ZNF248: variants seen among roughly 807,000 people sequenced by gnomAD.
The protein encoded by ZNF248 is KRAB protein domain.
A neutral mutation model predicts 44.3 loss-of-function variants in ZNF248; 20 were observed. The observed-to-expected ratio is 0.45, with a 90% CI of 0.32 to 0.66. ZNF248 has a LOEUF of 0.66. Among genes scored for constraint, ZNF248 ranks in the 30% least tolerant of loss-of-function variants. The pLI is 0.04. For missense variants in ZNF248, 654 were observed against 677.0 expected (o/e 0.97, Z 0.38); for synonymous variants, 224 against 229.0 (o/e 0.98, Z 0.20).
chr10:37,851,968 C>T (rs2134791257), intron 3 of ZNF248, among the ~76,000 whole-genome samples: 1 of 152,132 alleles, frequency 6.6e-6, no homozygotes, highest in Admixed American at 6.5e-5. Context: ...ATATATCCAG[C>T]CGGGCGCGGT....
chr10:37,819,982 AT>A, intron 6 of ZNF248: 1 of 772,320 alleles, frequency 1.3e-6, no homozygotes, highest in Non-Finnish European at 2.4e-6. Flanking sequence ...GCGGTCTTGC[AT>A]GCTCTTATCT....
chr10:37,832,566 A>G lies in ZNF248; in HGVS notation c.789T>C (p.Pro263=). 1 of 1,613,828 alleles carries G rather than the reference A, an allele frequency of 6.2e-7. No individual in the cohort carries two copies. Among genetic ancestry groups the G allele is most frequent in the Non-Finnish European group, 8.5e-7 (1 of 1,179,906 alleles). The change falls in exon 6 of 6, where the codon CCT becomes CCC. Residue 263 remains proline, a synonymous_variant. Transcript: ENST00000395867. The stretch of plus-strand genomic sequence containing the variant: ...ATCCATACGGCTCCATTTCCAAATG[A>G]GGTCTTTGAGATATATTCAGCTTTA... ...ESLKLNISQR[P]HLEMEPYGCS...
chr10:37,766,601 C>T, the ZNF248 span, among the ~76,000 whole-genome samples: 1 of 152,128 alleles, frequency 6.6e-6, no homozygotes. Context: ...ACAGAAAGGA[C>T]ATCCACACCA....
chr10:37,843,238 G>A (rs1224293426), intron 3 of ZNF248, among the ~76,000 whole-genome samples: 1 of 151,996 alleles, frequency 6.6e-6, no homozygotes, highest in Non-Finnish European at 1.5e-5. Context: ...GGCCAACATG[G>A]TGAAACCCCA....
chr10:37,831,810 A>G lies in ZNF248; in HGVS notation c.1545T>C (p.Thr515=). The G allele has an allele frequency of 6.2e-7, 1 of 1,611,952 alleles. No individual in the cohort carries two copies. Among genetic ancestry groups the G allele is most frequent in the Non-Finnish European group, 8.5e-7 (1 of 1,179,022 alleles). The change falls in exon 6 of 6, where the codon ACT becomes ACC. Residue 515 remains threonine (T), a synonymous_variant. Coordinates refer to ENST00000395867, the MANE Select transcript of ZNF248 (RefSeq NM_021045.3). ...SNLIVHQRTH[T]GEKPYKCNEC... ...CATTACACTTATATGGTTTCTCCCC[A>G]GTGTGAGTTCTTTGATGTACAATGA...
Position 37,831,489 on chromosome 10 carries a change from T to C in ZNF248, c.*126A>G, listed in dbSNP as rs2055610465. 14 of 1,461,536 alleles carry C rather than the reference T, an allele frequency of 9.6e-6. No individual in the cohort carries two copies. The highest frequency in any genetic ancestry group is 2.3e-4 in the Middle Eastern group (1 of 4,280). The allele number at this position is 1,461,536 out of a possible 1,614,324, so 90.5% of individuals were successfully genotyped here. ...TCTAATGAAAAGTTTTAATTTTTCT[T>C]GAAAGCTTTTACATATTCAAACAAG... On this transcript the variant is annotated 3_prime_UTR_variant, in exon 6 of 6. Transcript: ENST00000395867.
intron 6 of ZNF248, among the ~76,000 whole-genome samples, chr10:37,793,750 C>A (rs2048827697): frequency 6.6e-6 from 1 of 152,106 alleles, no homozygotes; most frequent in Admixed American, 6.6e-5. Flanking sequence ...TTAAACTTAT[C>A]CAAATTTTAA....
chr10:37,825,593 C>A (rs563642907), downstream of ZNF248, among the ~76,000 whole-genome samples: 1 of 152,232 alleles, frequency 6.6e-6, no homozygotes. Context: ...GTGTGCACCA[C>A]CACACCCGGC....
chr10:37,808,791 A>T (rs114273905), intron 6 of ZNF248, among the ~76,000 whole-genome samples: 73 of 152,304 alleles, frequency 4.8e-4, no homozygotes, highest in African/African-American at 1.6e-3. Flanking sequence ...AGCCTAAAAA[A>T]GACTAATGTT....
Position 37,856,434 on chromosome 10 carries a change from C to A in ZNF248, c.-28+1G>T. On this transcript the variant is annotated splice_donor_variant, in intron 2 of 5. Coordinates refer to ENST00000395867, the MANE Select transcript of ZNF248 (RefSeq NM_021045.3). LOFTEE classifies it low-confidence loss of function (5UTR_SPLICE). ...TACAGGTCCACACACAAGATACTTA[C>A]GTGTCCATGTGTGGCTCCGATATAT... The A allele has an allele frequency of 6.7e-7, 1 of 1,493,878 alleles. No homozygotes were observed. Among genetic ancestry groups the A allele is most frequent in the Non-Finnish European group, 8.9e-7 (1 of 1,119,120 alleles). 92.5% of individuals were successfully genotyped at this position (1,493,878 alleles called of 1,614,324 possible). A position where few individuals can be genotyped will look rare whatever the true frequency, so the allele number is the denominator to read the frequency against.
At chr10:37,826,418 C>G (rs779573755), downstream of ZNF248, among the ~76,000 whole-genome samples, 1 of 152,174 alleles carries the variant, frequency 6.6e-6, no homozygotes, top group Non-Finnish European at 1.5e-5. Flanking sequence ...TCATTACCTA[C>G]TAAACTAACT....
intron 6 of ZNF248, among the ~76,000 whole-genome samples, chr10:37,798,307 G>C (rs549309036): frequency 1.3e-5 from 2 of 152,258 alleles, no homozygotes; most frequent in Admixed American, 6.5e-5. Context: ...CTAGGGGAGT[G>C]ACTGCTGATG....
chr10:37,766,016 C>G, the ZNF248 span, among the ~76,000 whole-genome samples: 2 of 152,252 alleles, frequency 1.3e-5, no homozygotes, highest in African/African-American at 2.4e-5. Flanking sequence ...ATTGCTAGCA[C>G]AGCAGTCTGA....
intron 5 of ZNF248, among the ~76,000 whole-genome samples, chr10:37,835,877 A>G (rs149097961): frequency 1.2e-3 from 189 of 152,340 alleles, no homozygotes; most frequent in Admixed American, 1.9e-3. Flanking sequence ...TCTGACCTCA[A>G]CCATGTACTT....
intron 5 of ZNF248, among the ~76,000 whole-genome samples, chr10:37,834,973 G>A (rs560348777): frequency 4.3e-4 from 65 of 152,236 alleles, no homozygotes; most frequent in African/African-American, 1.5e-3. Flanking sequence ...TTACTGAGCA[G>A]CTCCCTTGCT....
intron 6 of ZNF248, among the ~76,000 whole-genome samples, chr10:37,823,304 A>G (rs1253012526): frequency 7.9e-6 from 1 of 126,530 alleles, no homozygotes; most frequent in Non-Finnish European, 1.6e-5. Context: ...ACTGCCCTCC[A>G]GCCTGGTGAC....
rs559992308 is a variant in ZNF248 at position 37,849,419 on chromosome 10, C to T, written c.15+6877G>A. Among the ~76,000 whole-genome samples the T allele has an allele frequency of 9.2e-5, 14 of 152,230 alleles. No individual in the cohort carries two copies. In the South Asian group the frequency reaches 2.3e-3, roughly 25 times the overall value. On this transcript the variant is annotated intron_variant, in intron 3 of 5. Coordinates refer to ENST00000395867, the MANE Select transcript of ZNF248 (RefSeq NM_021045.3). The stretch of plus-strand genomic sequence containing the variant: ...AGAAACGGCCGGGCACAGTGGCTCA[C>T]GCCTTGTAATCCCAGCACTTTGGGA...
intron 6 of ZNF248, among the ~76,000 whole-genome samples, chr10:37,806,541 T>C (rs1369167969): frequency 1.3e-5 from 2 of 152,198 alleles, no homozygotes; most frequent in Admixed American, 6.5e-5. Flanking sequence ...GAATATCTTT[T>C]TTTTTAATGT....
intron 6 of ZNF248, among the ~76,000 whole-genome samples, chr10:37,788,590 C>T (rs1477328874): frequency 1.3e-5 from 2 of 152,292 alleles, no homozygotes; most frequent in Non-Finnish European, 2.9e-5. Flanking sequence ...CACTGCACTC[C>T]AGCCTGGGTG....
Sources: allele counts gnomAD v4.1 joint callset (sites outside exome capture counted in the v4.1 genomes callset), GRCh38; gene constraint gnomAD v4.1.1; transcripts MANE v1.5; gene names NCBI Gene and HGNC (gene_info 2026-07-23, HGNC 2026-07-21).